PCDHA9: variants seen among roughly 807,000 people sequenced by gnomAD.
PCDHA9 encodes the protein protocadherin alpha-9.
A neutral mutation model predicts 62.0 loss-of-function variants in PCDHA9; 62 were observed. The ratio of observed to expected loss-of-function variants is 1.00; its 90% CI spans 0.81 to 1.23. The LOEUF (loss-of-function observed/expected upper bound fraction) is 1.23. Ranked by LOEUF, PCDHA9 falls within the 50% of genes most tolerant of loss-of-function variation. PCDHA9 has a pLI of 0.00. For synonymous variants in PCDHA9, 557 were observed against 567.6 expected (o/e 0.98, Z 0.27); for missense variants, 1,205 against 1,249.8 (o/e 0.96, Z 0.54).
At chr5:140,988,489 C>G (rs1197670303) in intron 3 of PCDHA9, among the ~76,000 whole-genome samples, 4 of 152,134 alleles carry the variant, frequency 2.6e-5, no homozygotes, top group Non-Finnish European at 5.9e-5. Flanking sequence ...CATCCCCTAC[C>G]TAGGAGAAGC....
intron 1 of PCDHA9, chr5:140,851,907 T>A: frequency 3.1e-6 from 3 of 970,432 alleles, no homozygotes; most frequent in Non-Finnish European, 2.5e-6. Flanking sequence ...CTCTTTAATG[T>A]CACTACATGT....
intron 1 of PCDHA9, among the ~76,000 whole-genome samples, chr5:140,940,086 A>G (rs373629874): frequency 6.6e-6 from 1 of 152,214 alleles, no homozygotes; most frequent in African/African-American, 2.4e-5. Flanking sequence ...TTTCTGCTAA[A>G]TTGAAACTTT....
At position 140,896,858 on chromosome 5, in the gene PCDHA9, A is replaced by T. The variant is rs1448787828; in HGVS notation, c.2394+45969A>T. On this transcript the variant is annotated intron_variant, in intron 1 of 3. Coordinates refer to ENST00000532602, the MANE Select transcript of PCDHA9 (RefSeq NM_031857.2). Reference sequence around the variant, plus strand: ...TATTTTTTAATTTTATGGGTACATAATAAGTGTACATATTTATGGGGTATA... The same window carrying T: ...TATTTTTTAATTTTATGGGTACATATTAAGTGTACATATTTATGGGGTATA... Among the ~76,000 whole-genome samples, 3 of 152,310 alleles carry T rather than the reference A, an allele frequency of 2.0e-5. No homozygotes were observed. In the South Asian group the frequency reaches 6.2e-4, roughly 32 times the overall value.
At chr5:140,981,019 T>C (rs1396794400) in intron 2 of PCDHA9, among the ~76,000 whole-genome samples, 1 of 152,124 alleles carries the variant, frequency 6.6e-6, no homozygotes, top group Non-Finnish European at 1.5e-5. Flanking sequence ...ACTTGAAGGC[T>C]GTTAATATTT....
At chr5:140,883,744 C>T (rs782708384) in intron 1 of PCDHA9, 1 of 1,613,374 alleles carries the variant, frequency 6.2e-7, no homozygotes, top group South Asian at 1.1e-5. Flanking sequence ...TGGTCTCCTA[C>T]TCGCTGGTGG....
chr5:140,884,339 G>C, intron 1 of PCDHA9: 1 of 1,613,906 alleles, frequency 6.2e-7, no homozygotes, highest in African/African-American at 1.3e-5. Flanking sequence ...GGGTCCAGAA[G>C]CGGCGCTGGT....
chr5:140,946,387 T>C (rs1168775484), intron 1 of PCDHA9, among the ~76,000 whole-genome samples: 3 of 151,786 alleles, frequency 2.0e-5, no homozygotes, highest in African/African-American at 7.3e-5. Context: ...TTGGTAGGAA[T>C]GTAAATTAGT....
chr5:140,987,747 T>G (rs1336636332), intron 3 of PCDHA9, among the ~76,000 whole-genome samples: 1 of 152,178 alleles, frequency 6.6e-6, no homozygotes. Context: ...TAGACCCAGG[T>G]TGTTCTGAGT....
intron 1 of PCDHA9, among the ~76,000 whole-genome samples, chr5:140,938,877 ACACACACACACACAGATGCG>A (rs1350432569): frequency 6.6e-6 from 1 of 150,854 alleles, no homozygotes; most frequent in Non-Finnish European, 1.5e-5. Flanking sequence ...TTAAGAAGCA[ACACACACACACACAGATGCG>A]CACACACACA....
intron 1 of PCDHA9, chr5:140,863,783 G>A: frequency 4.4e-6 from 1 of 226,522 alleles, no homozygotes; most frequent in South Asian, 6.5e-5. Flanking sequence ...CGGATCACTC[G>A]AGGCCAGGAG....
At position 140,876,890 on chromosome 5, in the gene PCDHA9, A is replaced by G. The variant is rs373414098; in HGVS notation, c.2394+26001A>G. On this transcript the variant is annotated intron_variant, in intron 1 of 3. Coordinates refer to ENST00000532602, the MANE Select transcript of PCDHA9 (RefSeq NM_031857.2). ...AAGGAGAACAACCCGCCGGGCTGCC[A>G]CATCTTCACGGTGTCGGCATGGGAC... The G allele has an allele frequency of 4.0e-5, 65 of 1,613,968 alleles. No individual in the cohort carries two copies. In the African/African-American group the frequency reaches 8.1e-4, roughly 20 times the overall value.
intron 1 of PCDHA9, among the ~76,000 whole-genome samples, chr5:140,910,365 A>G (rs1554194228): frequency 6.6e-6 from 1 of 152,164 alleles, no homozygotes; most frequent in Non-Finnish European, 1.5e-5. Flanking sequence ...TATGGTAGCT[A>G]TGCCCACCTT....
chr5:140,895,523 C>T (rs2065044928), intron 1 of PCDHA9, among the ~76,000 whole-genome samples: 1 of 152,068 alleles, frequency 6.6e-6, no homozygotes, highest in South Asian at 2.1e-4. Flanking sequence ...TTGGTTTATT[C>T]GTTTTTCAAT....
chr5:140,968,855 A>G (rs2096275634), intron 1 of PCDHA9: 2 of 1,614,198 alleles, frequency 1.2e-6, no homozygotes, highest in Non-Finnish European at 1.7e-6. Flanking sequence ...GCATGTTAAG[A>G]GCCCTCGGAC....
At position 140,884,500 on chromosome 5, in the gene PCDHA9, G is replaced by T. The variant is rs782378726; in HGVS notation, c.2394+33611G>T. 34 of 1,614,122 alleles carry T rather than the reference G, an allele frequency of 2.1e-5. No homozygotes were observed. The South Asian group carries it at 2.5e-4, about 12-fold the overall frequency. On this transcript the variant is annotated intron_variant, in intron 1 of 3. Coordinates refer to ENST00000532602, the MANE Select transcript of PCDHA9 (RefSeq NM_031857.2). ...AGCCCACTCTAGTGTGCTCCAGCGC[G>T]GCAGGGAGTTGGTCGTACTCGCAGC...
chr5:140,899,995 A>G (rs1449060467), intron 1 of PCDHA9, among the ~76,000 whole-genome samples: 1 of 151,872 alleles, frequency 6.6e-6, no homozygotes, highest in Non-Finnish European at 1.5e-5. Context: ...TTTTTTGTAG[A>G]GATGAGGTCT....
intron 1 of PCDHA9, among the ~76,000 whole-genome samples, chr5:140,888,721 G>A (rs1176739860): frequency 6.6e-6 from 1 of 151,970 alleles, no homozygotes; most frequent in Non-Finnish European, 1.5e-5. Flanking sequence ...AATATTTCCA[G>A]CCCTTTGTGA....
At chr5:140,877,710 G>T in intron 1 of PCDHA9, 1 of 1,614,098 alleles carries the variant, frequency 6.2e-7, no homozygotes, top group Non-Finnish European at 8.5e-7. Context: ...GCGCCGTGGG[G>T]AGTTGGTCTT....
chr5:140,868,148 T>C (rs980442760), intron 1 of PCDHA9: 1 of 152,150 alleles, frequency 6.6e-6, no homozygotes, highest in African/African-American at 2.4e-5. Context: ...ATTGATTCTG[T>C]TACATAAAGT....
Sources: gnomAD v4.1 joint callset for allele counts (sites outside exome capture counted in the v4.1 genomes callset) on GRCh38, gnomAD v4.1.1 for gene constraint, MANE v1.5 for transcripts, NCBI Gene and HGNC (gene_info 2026-07-23, HGNC 2026-07-21) for gene names.